CENPW: variants seen among roughly 807,000 people sequenced by gnomAD.
CENPW encodes the protein cancer-up-regulated gene 2 protein.
CENPW carries 3 observed loss-of-function variants against 11.1 expected under a neutral mutation model. The observed-to-expected ratio is 0.27, with a 90% CI of 0.12 to 0.70. The LOEUF (loss-of-function observed/expected upper bound fraction) is 0.70, where lower values mean the gene tolerates loss of function less well. CENPW is among the 30% of genes least tolerant of loss of function. The pLI is 0.77. For missense variants in CENPW, 100 were observed against 105.6 expected, an observed-to-expected ratio of 0.95 and a Z score of 0.23; for synonymous variants, 38 against 42.0, an observed-to-expected ratio of 0.91 and a Z score of 0.37.
the CENPW span, among the ~76,000 whole-genome samples, chr6:126,482,795 T>C: frequency 6.0e-4 from 91 of 152,004 alleles, no homozygotes; most frequent in Non-Finnish European, 1.1e-3. Flanking sequence ...TTTTCCTGTT[T>C]AGTTTTTCTT....
At chr6:126,482,143 G>A in the CENPW span, among the ~76,000 whole-genome samples, 1 of 151,972 alleles carries the variant, frequency 6.6e-6, no homozygotes, top group Non-Finnish European at 1.5e-5. Flanking sequence ...GACACTGTTT[G>A]TGCTGGGTTT....
the CENPW span, among the ~76,000 whole-genome samples, chr6:126,363,925 G>A: frequency 2.6e-5 from 4 of 152,144 alleles, no homozygotes; most frequent in Non-Finnish European, 4.4e-5. Flanking sequence ...TTGGTTCTTT[G>A]AATATTCAGC....
At chr6:126,447,784 A>G in the CENPW span, among the ~76,000 whole-genome samples, 1 of 151,012 alleles carries the variant, frequency 6.6e-6, no homozygotes, top group South Asian at 2.1e-4. Flanking sequence ...TGCTCCCTCT[A>G]TCTACCACTC....
chr6:126,422,646 G>GT, the CENPW span, among the ~76,000 whole-genome samples: 11 of 151,982 alleles, frequency 7.2e-5, no homozygotes, highest in Non-Finnish European at 1.3e-4. Flanking sequence ...AATCTTCATC[G>GT]TTTTTTACCA....
the CENPW span, among the ~76,000 whole-genome samples, chr6:126,382,421 A>G: frequency 1.3e-5 from 2 of 152,192 alleles, no homozygotes; most frequent in African/African-American, 4.8e-5. Context: ...CTAGCTCTCC[A>G]GCAAAAGTTC....
the CENPW span, among the ~76,000 whole-genome samples, chr6:126,483,037 G>C: frequency 1.3e-5 from 2 of 151,902 alleles, no homozygotes; most frequent in East Asian, 1.9e-4. Context: ...TAAGGAAAAA[G>C]CCTTGCAATG....
At chr6:126,389,576 G>T in the CENPW span, among the ~76,000 whole-genome samples, 1 of 151,438 alleles carries the variant, frequency 6.6e-6, no homozygotes, top group East Asian at 1.9e-4. Flanking sequence ...TGCACATCCA[G>T]TTGTCTTCAT....
the CENPW span, among the ~76,000 whole-genome samples, chr6:126,364,355 C>T: frequency 6.6e-6 from 1 of 152,144 alleles, no homozygotes; most frequent in Admixed American, 6.5e-5. Flanking sequence ...AATTTAGGCT[C>T]TCTTAAAGGC....
the CENPW span, among the ~76,000 whole-genome samples, chr6:126,360,690 T>TC: frequency 6.6e-6 from 1 of 152,038 alleles, no homozygotes; most frequent in Non-Finnish European, 1.5e-5. Context: ...GTTTTTTTTT[T>TC]CCCCCCAACT....
At chr6:126,439,470 G>T in the CENPW span, among the ~76,000 whole-genome samples, 1 of 151,550 alleles carries the variant, frequency 6.6e-6, no homozygotes, top group Non-Finnish European at 1.5e-5. Flanking sequence ...TATCAGACTT[G>T]GTTATGCATG....
chr6:126,383,502 C>A, the CENPW span, among the ~76,000 whole-genome samples: 2 of 151,974 alleles, frequency 1.3e-5, no homozygotes, highest in Non-Finnish European at 2.9e-5. Context: ...GAAACAAAAC[C>A]CAATGGGATG....
the CENPW span, among the ~76,000 whole-genome samples, chr6:126,386,964 C>T: frequency 0.017 from 2,614 of 151,884 alleles, 53 homozygotes; most frequent in Non-Finnish European, 0.026. Flanking sequence ...TTAAACATCA[C>T]TAATTTAAAA....
At chr6:126,467,622 A>G in the CENPW span, among the ~76,000 whole-genome samples, 1 of 152,174 alleles carries the variant, frequency 6.6e-6, no homozygotes, top group Admixed American at 6.5e-5. Context: ...CTATACTGAT[A>G]TAAATGATTG....
At chr6:126,351,423 T>A (rs1350064307), downstream of CENPW, among the ~76,000 whole-genome samples, 1 of 152,010 alleles carries the variant, frequency 6.6e-6, no homozygotes, top group African/African-American at 2.4e-5. Flanking sequence ...AGGATAGTAA[T>A]AGTGATATGA....
chr6:126,354,107 C>T, the CENPW span, among the ~76,000 whole-genome samples: 2 of 151,026 alleles, frequency 1.3e-5, no homozygotes, highest in Non-Finnish European at 3.0e-5. Context: ...TGTCTTTTGG[C>T]ATTACTAATA....
chr6:126,390,662 C>A, the CENPW span, among the ~76,000 whole-genome samples: 1 of 151,796 alleles, frequency 6.6e-6, no homozygotes, highest in African/African-American at 2.4e-5. Flanking sequence ...TACTTCCAAC[C>A]ATCTCCATGA....
At chr6:126,410,415 G>C in the CENPW span, among the ~76,000 whole-genome samples, 1 of 151,986 alleles carries the variant, frequency 6.6e-6, no homozygotes, top group Non-Finnish European at 1.5e-5. Context: ...TTCTCTTGCT[G>C]TTTTTAGAAT....
chr6:126,408,443 A>G, the CENPW span, among the ~76,000 whole-genome samples: 1 of 152,180 alleles, frequency 6.6e-6, no homozygotes, highest in Non-Finnish European at 1.5e-5. Flanking sequence ...TATCACGAGA[A>G]CAGCATGGGG....
chr6:126,377,353 T>G, the CENPW span, among the ~76,000 whole-genome samples: 22 of 152,316 alleles, frequency 1.4e-4, no homozygotes, highest in African/African-American at 4.3e-4. Context: ...CCAGAATTAG[T>G]CACTATAGAA....
Sources: gnomAD v4.1 joint callset for allele counts (sites outside exome capture counted in the v4.1 genomes callset) on GRCh38, gnomAD v4.1.1 for gene constraint, MANE v1.5 for transcripts, NCBI Gene and HGNC (gene_info 2026-07-23, HGNC 2026-07-21) for gene names.